Variants in RBFOX1 observed in about 807,000 individuals in gnomAD.
RBFOX1 encodes the protein RNA binding protein fox-1 homolog 1.
A neutral mutation model predicts 57.7 loss-of-function variants in RBFOX1; 8 were observed. The ratio of observed to expected loss-of-function variants is 0.14; its 90% CI spans 0.08 to 0.25. The LOEUF (loss-of-function observed/expected upper bound fraction) is 0.25, where lower values mean the gene tolerates loss of function less well. Among genes scored for constraint, RBFOX1 ranks in the 10% least tolerant of loss-of-function variants. The pLI, the probability that RBFOX1 is intolerant of heterozygous loss-of-function variation, is 1.00. For missense variants in RBFOX1, 611 were observed against 548.5 expected, an observed-to-expected ratio of 1.11 and a Z score of -1.14; for synonymous variants, 326 against 222.4, an observed-to-expected ratio of 1.47 and a Z score of -4.15.
At chr16:6,570,261 C>A (rs922022362) in intron 2 of RBFOX1, among the ~76,000 whole-genome samples, 1 of 152,166 alleles carries the variant, frequency 6.6e-6, no homozygotes, top group Non-Finnish European at 1.5e-5. Flanking sequence ...TCCCCCTTCA[C>A]TGTAAGATAC....
intron 5 of RBFOX1, among the ~76,000 whole-genome samples, chr16:7,529,956 C>G (rs2079611652): frequency 6.9e-6 from 1 of 145,354 alleles, no homozygotes; most frequent in Non-Finnish European, 1.5e-5. Flanking sequence ...TTGCAGTGAG[C>G]TGAGATCATG....
At chr16:5,311,609 T>C (rs2064091154) in intron 1 of RBFOX1, among the ~76,000 whole-genome samples, 3 of 152,228 alleles carry the variant, frequency 2.0e-5, no homozygotes, top group Admixed American at 2.0e-4. Flanking sequence ...GAGTAAGGTG[T>C]ATCTCATTGT....
At chr16:7,697,630 T>C (rs965700960) in intron 14 of RBFOX1, among the ~76,000 whole-genome samples, 1 of 152,132 alleles carries the variant, frequency 6.6e-6, no homozygotes, top group Non-Finnish European at 1.5e-5. Flanking sequence ...GAAAAAAACA[T>C]ACACTCAGGT....
intron 1 of RBFOX1, chr16:6,037,576 T>G (rs112639498): frequency 6.6e-6 from 1 of 151,730 alleles, no homozygotes; most frequent in Non-Finnish European, 1.5e-5. Context: ...CTTTTTTTTC[T>G]TTTTTTTGTT....
chr16:7,595,668 C>T lies in RBFOX1; in HGVS notation c.561+27C>T, dbSNP rs542310469. The T allele has an allele frequency of 2.6e-6, 4 of 1,546,336 alleles. No individual in the cohort carries two copies. The South Asian group carries it at 5.0e-5, about 20-fold the overall frequency. ...TGCATGTTCAAAATATTTTCCTTTT[C>T]ATCTTTTTTATAAATGTCTGCTTCA... On this transcript the variant is annotated intron_variant, in intron 8 of 15. Coordinates refer to ENST00000550418, the MANE Select transcript of RBFOX1 (RefSeq NM_018723.4).
chr16:7,044,803 G>C (rs146065452), intron 3 of RBFOX1, among the ~76,000 whole-genome samples: 1 of 152,094 alleles, frequency 6.6e-6, no homozygotes, highest in Non-Finnish European at 1.5e-5. Context: ...CACAGGCAGG[G>C]TCTTTCTTCA....
chr16:6,167,949 T>C (rs1383614720), intron 1 of RBFOX1, among the ~76,000 whole-genome samples: 1 of 152,238 alleles, frequency 6.6e-6, no homozygotes, highest in Non-Finnish European at 1.5e-5. Flanking sequence ...AGGTCATTTA[T>C]AAACTCCACC....
intron 2 of RBFOX1, among the ~76,000 whole-genome samples, chr16:5,545,236 C>T (rs138117681): frequency 2.4e-4 from 36 of 152,158 alleles, no homozygotes; most frequent in African/African-American, 8.4e-4. Context: ...CCTTGGCCTC[C>T]CAAAGTGCTG....
chr16:6,888,076 G>T (rs575754407), intron 3 of RBFOX1, among the ~76,000 whole-genome samples: 2 of 152,202 alleles, frequency 1.3e-5, no homozygotes, highest in East Asian at 3.9e-4. Flanking sequence ...CAGGTAATTA[G>T]TGTAAAATTT....
chr16:6,472,584 T>G (rs1377855595), intron 2 of RBFOX1, among the ~76,000 whole-genome samples: 1 of 152,040 alleles, frequency 6.6e-6, no homozygotes, highest in African/African-American at 2.4e-5. Flanking sequence ...CATTTTATTC[T>G]CTTATTCTCC....
At chr16:5,556,291 T>C (rs527449748) in intron 2 of RBFOX1, among the ~76,000 whole-genome samples, 1 of 152,150 alleles carries the variant, frequency 6.6e-6, no homozygotes, top group South Asian at 2.1e-4. Context: ...ATCAAAGGGA[T>C]CTCAGTGTAA....
chr16:6,758,592 A>G (rs1048697633), intron 3 of RBFOX1, among the ~76,000 whole-genome samples: 2 of 152,190 alleles, frequency 1.3e-5, no homozygotes, highest in African/African-American at 4.8e-5. Flanking sequence ...GTACCAAGCA[A>G]CTACATTTGA....
At chr16:5,691,328 T>C (rs1212535104) in intron 3 of RBFOX1, among the ~76,000 whole-genome samples, 7 of 152,218 alleles carry the variant, frequency 4.6e-5, no homozygotes, top group Non-Finnish European at 1.0e-4. Context: ...TGGTAGTCTC[T>C]GCCTGATCTG....
intron 4 of RBFOX1, among the ~76,000 whole-genome samples, chr16:7,391,194 C>A (rs908002581): frequency 6.6e-6 from 1 of 152,206 alleles, no homozygotes; most frequent in East Asian, 1.9e-4. Context: ...ACTGGCCCCA[C>A]CTCCGTCCCA....
intron 3 of RBFOX1, among the ~76,000 whole-genome samples, chr16:6,709,119 G>A (rs879443646): frequency 5.9e-5 from 9 of 152,028 alleles, no homozygotes; most frequent in African/African-American, 1.4e-4. Context: ...TCATATAAAT[G>A]TAACAGAAAG....
chr16:7,547,215 G>C (rs1358705168), intron 5 of RBFOX1, among the ~76,000 whole-genome samples: 5 of 152,170 alleles, frequency 3.3e-5, no homozygotes. Flanking sequence ...TGGTACCAAA[G>C]GTTAACGTAG....
At chr16:5,565,495 C>G (rs1250409008) in intron 2 of RBFOX1, among the ~76,000 whole-genome samples, 2 of 151,950 alleles carry the variant, frequency 1.3e-5, no homozygotes, top group South Asian at 2.1e-4. Context: ...CATGGTGGCA[C>G]CTGCGTATAA....
intron 2 of RBFOX1, among the ~76,000 whole-genome samples, chr16:6,640,813 C>G (rs1555640871): frequency 3.9e-5 from 6 of 152,042 alleles, no homozygotes; most frequent in Non-Finnish European, 2.9e-5. Context: ...GTTCTCTGGG[C>G]CTCTCTGACT....
chr16:5,818,721 C>T (rs1033605133), intron 3 of RBFOX1, among the ~76,000 whole-genome samples: 1 of 152,168 alleles, frequency 6.6e-6, no homozygotes, highest in Admixed American at 6.5e-5. Flanking sequence ...AAAGAATGAG[C>T]TTCAAGGTAT....
Sources: gnomAD v4.1 joint callset for allele counts (sites outside exome capture counted in the v4.1 genomes callset) on GRCh38, gnomAD v4.1.1 for gene constraint, MANE v1.5 for transcripts, NCBI Gene and HGNC (gene_info 2026-07-23, HGNC 2026-07-21) for gene names.